DLG2: variants seen among roughly 807,000 people sequenced by gnomAD.
DLG2 encodes disks large homolog 2.
In DLG2, 45 loss-of-function variants were observed where a neutral mutation model predicts 132.5. The ratio of observed to expected loss-of-function variants is 0.34; its 90% confidence interval spans 0.27 to 0.44. The LOEUF is 0.44. Ranked by LOEUF, DLG2 falls within the 20% of genes least tolerant of loss-of-function variation. The probability of loss-of-function intolerance (pLI) is 1.00; values close to 1 mark genes in which losing one functional copy is unlikely to be tolerated. For missense variants in DLG2, 1,045 were observed against 1,196.9 expected, an observed-to-expected ratio of 0.87 and a Z score of 1.87; for synonymous variants, 424 against 419.6, an observed-to-expected ratio of 1.01 and a Z score of -0.13.
chr11:84,254,972 G>A (rs1278130466), intron 7 of DLG2, among the ~76,000 whole-genome samples: 14 of 152,096 alleles, frequency 9.2e-5, no homozygotes, highest in Admixed American at 3.9e-4. Flanking sequence ...GAGATGCCAC[G>A]GTAGGCTCTT....
chr11:85,021,114 G>A, intron 6 of DLG2: 1 of 785,388 alleles, frequency 1.3e-6, no homozygotes, highest in Non-Finnish European at 2.3e-6. Flanking sequence ...TGCCTGAAGA[G>A]TCATCTGCTT....
intron 6 of DLG2, among the ~76,000 whole-genome samples, chr11:84,714,644 TCTTTCTCTCTCTCTC>T (rs2060978372): frequency 1.5e-5 from 2 of 136,588 alleles, no homozygotes; most frequent in African/African-American, 2.9e-5. Flanking sequence ...TCTCTCTCTC[TCTTTCTCTCTCTCTC>T]TCTCTCTCTC....
At chr11:83,959,121 G>T (rs2087769130) in intron 14 of DLG2, among the ~76,000 whole-genome samples, 1 of 152,070 alleles carries the variant, frequency 6.6e-6, no homozygotes, top group African/African-American at 2.4e-5. Context: ...CTAAGAGATT[G>T]TATCCAAAAC....
At chr11:84,762,193 A>G (rs909855992) in intron 6 of DLG2, 1 of 152,174 alleles carries the variant, frequency 6.6e-6, no homozygotes, top group Non-Finnish European at 1.5e-5. Context: ...TGCAATTGCT[A>G]AAGATTTCAT....
intron 26 of DLG2, 97 bp downstream of exon 26, chr11:83,466,611 A>G (rs1436749136): frequency 3.1e-6 from 2 of 636,616 alleles, no homozygotes; most frequent in East Asian, 2.6e-5. Flanking sequence ...GGCATTTCCC[A>G]TTTGTAAGCA....
At chr11:83,678,373 G>C (rs770648779) in intron 18 of DLG2, among the ~76,000 whole-genome samples, 2 of 152,192 alleles carry the variant, frequency 1.3e-5, no homozygotes, top group Non-Finnish European at 2.9e-5. Context: ...TTGGGACCCA[G>C]AACAAGAACA....
chr11:85,195,821 C>T (rs1001361393), intron 4 of DLG2, among the ~76,000 whole-genome samples: 2 of 151,992 alleles, frequency 1.3e-5, no homozygotes, highest in Admixed American at 6.6e-5. Flanking sequence ...CCACCGCGCC[C>T]GGCCGACAGT....
chr11:85,409,103 C>T (rs2089070859), intron 3 of DLG2, among the ~76,000 whole-genome samples: 1 of 151,924 alleles, frequency 6.6e-6, no homozygotes, highest in Non-Finnish European at 1.5e-5. Flanking sequence ...TTGGTTAAGA[C>T]AGCTTGTGTA....
At chr11:85,197,864 A>G (rs1403927546) in intron 4 of DLG2, among the ~76,000 whole-genome samples, 1 of 152,180 alleles carries the variant, frequency 6.6e-6, no homozygotes, top group Non-Finnish European at 1.5e-5. Context: ...TATTATTCGC[A>G]TGGTATTGGG....
chr11:85,400,124 T>C (rs1301771282), intron 3 of DLG2, among the ~76,000 whole-genome samples: 2 of 151,920 alleles, frequency 1.3e-5, no homozygotes, highest in Non-Finnish European at 2.9e-5. Context: ...GGGCAAACGA[T>C]AGGAACAGAC....
chr11:83,605,025 G>GAGAGAGAGAGAGAGAGAGAGAC (rs1384030952), intron 19 of DLG2, among the ~76,000 whole-genome samples: 1 of 151,856 alleles, frequency 6.6e-6, no homozygotes, highest in Non-Finnish European at 1.5e-5. Context: ...GAGAGAGAGA[G>GAGAGAGAGAGAGAGAGAGAGAC]AGAGAGAGAG....
intron 6 of DLG2, among the ~76,000 whole-genome samples, chr11:84,833,582 A>G (rs2079316452): frequency 6.6e-6 from 1 of 151,262 alleles, no homozygotes; most frequent in South Asian, 2.1e-4. Context: ...CACTTTTATC[A>G]CATTTAAAAA....
At chr11:84,619,050 T>C (rs1346611461) in intron 6 of DLG2, among the ~76,000 whole-genome samples, 2 of 152,006 alleles carry the variant, frequency 1.3e-5, no homozygotes, top group African/African-American at 4.8e-5. Flanking sequence ...ACCTAATGAA[T>C]ATAATTATAA....
intron 15 of DLG2, among the ~76,000 whole-genome samples, chr11:83,920,463 C>G (rs550930931): frequency 6.6e-6 from 1 of 152,216 alleles, no homozygotes; most frequent in African/African-American, 2.4e-5. Flanking sequence ...CCCCATACTG[C>G]CAACCCTACC....
chr11:85,102,750 C>T (rs1033548127), intron 6 of DLG2, among the ~76,000 whole-genome samples: 3 of 151,898 alleles, frequency 2.0e-5, no homozygotes, highest in Non-Finnish European at 2.9e-5. Flanking sequence ...TTCTATTTAA[C>T]ATTGTACTGA....
At chr11:84,690,741 G>T (rs2057936199) in intron 6 of DLG2, among the ~76,000 whole-genome samples, 2 of 151,788 alleles carry the variant, frequency 1.3e-5, no homozygotes, top group African/African-American at 2.4e-5. Flanking sequence ...ATTTAAGGAA[G>T]CTGTGTTTCA....
chr11:85,238,143 C>T (rs1234362835), intron 4 of DLG2, among the ~76,000 whole-genome samples: 1 of 151,514 alleles, frequency 6.6e-6, no homozygotes, highest in Non-Finnish European at 1.5e-5. Flanking sequence ...AACTCATCTG[C>T]TGCCTATTGG....
intron 3 of DLG2, among the ~76,000 whole-genome samples, chr11:85,467,771 CTTT>C (rs1227521012): frequency 2.0e-5 from 3 of 152,060 alleles, no homozygotes; most frequent in African/African-American, 7.2e-5. Context: ...CTAAAATTAT[CTTT>C]TTTTGTTATG....
chr11:85,377,729 A>C (rs1427989208), intron 3 of DLG2, among the ~76,000 whole-genome samples: 1 of 150,898 alleles, frequency 6.6e-6, no homozygotes, highest in African/African-American at 2.4e-5. Context: ...ACAGAACTTG[A>C]ATAACAATAC....
Sources: gnomAD v4.1 joint callset for allele counts (sites outside exome capture counted in the v4.1 genomes callset) on GRCh38, gnomAD v4.1.1 for gene constraint, MANE v1.5 for transcripts, NCBI Gene and HGNC (gene_info 2026-07-23, HGNC 2026-07-21) for gene names.